Variants in KCNT2 observed in about 807,000 individuals in gnomAD.
The protein encoded by KCNT2 is potassium channel subfamily T member 2.
A neutral mutation model predicts 153.8 loss-of-function variants in KCNT2; 67 were observed. The observed-to-expected ratio is 0.44, with a 90% confidence interval of 0.36 to 0.53. The LOEUF (loss-of-function observed/expected upper bound fraction) is 0.53, where lower values mean the gene tolerates loss of function less well. Among genes scored for constraint, KCNT2 ranks in the 20% least tolerant of loss-of-function variants. The pLI is 0.00. For missense variants in KCNT2, 975 were observed against 1,354.8 expected, an observed-to-expected ratio of 0.72 and a Z score of 4.40; for synonymous variants, 500 against 458.8, an observed-to-expected ratio of 1.09 and a Z score of -1.15.
chr1:196,478,203 T>C (rs540350268), intron 5 of KCNT2, among the ~76,000 whole-genome samples: 22 of 152,318 alleles, frequency 1.4e-4, no homozygotes, highest in African/African-American at 5.3e-4. Flanking sequence ...TAATCTTTCA[T>C]TAAAACTGGT....
intron 3 of KCNT2, among the ~76,000 whole-genome samples, chr1:196,483,061 A>T (rs1028989660): frequency 6.6e-6 from 1 of 152,136 alleles, no homozygotes; most frequent in South Asian, 2.1e-4. Context: ...TTCCAATGGG[A>T]GTTACTTACA....
chr1:196,492,410 C>A, intron 1 of KCNT2, 69 bp from the exon 2 acceptor site: 1 of 1,097,478 alleles, frequency 9.1e-7, no homozygotes, highest in Non-Finnish European at 1.2e-6. Flanking sequence ...TGAAGATCAA[C>A]AAATATAAAT....
In KCNT2 at chr1:196,383,709, C is replaced by CA. The variant is rs572119309; in HGVS notation, c.1295-10462dup. On this transcript the variant is annotated intron_variant, in intron 13 of 27. Coordinates refer to ENST00000294725, the MANE Select transcript of KCNT2 (RefSeq NM_198503.5). ...CCTCAGGAAATTCGTGTCTTTAAAT[C>CA]AAAAAAATAAACTTTTGAATCACGC... Among the ~76,000 whole-genome samples the CA allele has an allele frequency of 2.0e-5, 3 of 151,926 alleles. No homozygotes were observed. In the South Asian group the frequency reaches 6.2e-4, roughly 32 times the overall value.
At chr1:196,423,683 A>G (rs1673403062) in intron 11 of KCNT2, among the ~76,000 whole-genome samples, 1 of 151,612 alleles carries the variant, frequency 6.6e-6, no homozygotes, top group Admixed American at 6.6e-5. Flanking sequence ...GTTTATTTTC[A>G]AAATGAGGAA....
intron 14 of KCNT2, among the ~76,000 whole-genome samples, chr1:196,354,193 A>T (rs2148234100): frequency 6.6e-6 from 1 of 151,952 alleles, no homozygotes; most frequent in Non-Finnish European, 1.5e-5. Flanking sequence ...GGTGTTATGA[A>T]GCACTGCCTT....
chr1:196,352,004 C>A (rs1162283048), intron 14 of KCNT2, among the ~76,000 whole-genome samples: 1 of 152,066 alleles, frequency 6.6e-6, no homozygotes, highest in Non-Finnish European at 1.5e-5. Flanking sequence ...TGCTGGATTA[C>A]ATTTATTGAT....
chr1:196,557,278 G>A (rs568361941), intron 1 of KCNT2, among the ~76,000 whole-genome samples: 7 of 150,974 alleles, frequency 4.6e-5, no homozygotes, highest in South Asian at 2.1e-4. Context: ...CCATGTACCC[G>A]CAAAAGTTAG....
intron 22 of KCNT2, among the ~76,000 whole-genome samples, chr1:196,304,261 T>A (rs16839768): frequency 6.6e-6 from 1 of 152,136 alleles, no homozygotes; most frequent in South Asian, 2.1e-4. Flanking sequence ...CTGTCATAAT[T>A]GGTAATTAAA....
At chr1:196,455,301 T>C (rs1414833001) in intron 8 of KCNT2, among the ~76,000 whole-genome samples, 1 of 152,042 alleles carries the variant, frequency 6.6e-6, no homozygotes, top group East Asian at 1.9e-4. Flanking sequence ...GATTAGAACA[T>C]GGACATCTTT....
intron 14 of KCNT2, among the ~76,000 whole-genome samples, chr1:196,354,981 T>A (rs184004075): frequency 2.5e-4 from 38 of 151,894 alleles, no homozygotes; most frequent in African/African-American, 7.9e-4. Flanking sequence ...GTAGGTCAAA[T>A]AAATAATTCT....
At chr1:196,524,815 A>G (rs949428205) in intron 1 of KCNT2, among the ~76,000 whole-genome samples, 15 of 152,186 alleles carry the variant, frequency 9.9e-5, no homozygotes, top group African/African-American at 3.6e-4. Context: ...TCTAGCAACA[A>G]ATAGGAAAGT....
At chr1:196,542,706 C>T (rs932349486) in intron 1 of KCNT2, among the ~76,000 whole-genome samples, 1 of 151,972 alleles carries the variant, frequency 6.6e-6, no homozygotes, top group Non-Finnish European at 1.5e-5. Flanking sequence ...AATAAAAATA[C>T]ATAGATTTAT....
chr1:196,477,212 G>A (rs1271642647), intron 5 of KCNT2, among the ~76,000 whole-genome samples: 3 of 152,012 alleles, frequency 2.0e-5, no homozygotes, highest in Non-Finnish European at 4.4e-5. Flanking sequence ...AAAAAAGGGT[G>A]AGTTTGTAAA....
chr1:196,418,812 A>C (rs980898110), intron 12 of KCNT2, among the ~76,000 whole-genome samples: 3 of 152,146 alleles, frequency 2.0e-5, no homozygotes, highest in African/African-American at 7.2e-5. Context: ...GGCTCCAACA[A>C]GTGAAAATAA....
chr1:196,398,746 A>G (rs968944852), intron 12 of KCNT2, 75 bp from the exon 13 acceptor site: 1 of 774,710 alleles, frequency 1.3e-6, no homozygotes, highest in African/African-American at 1.8e-5. Flanking sequence ...GTAAGCAATC[A>G]GTTTGCTTGG....
intron 8 of KCNT2, among the ~76,000 whole-genome samples, chr1:196,432,045 G>C (rs188750657): frequency 6.6e-6 from 1 of 152,130 alleles, no homozygotes; most frequent in African/African-American, 2.4e-5. Flanking sequence ...ACCAGGGCAC[G>C]TTTGGGGCCT....
At chr1:196,447,806 G>A (rs1389875280) in intron 8 of KCNT2, among the ~76,000 whole-genome samples, 1 of 150,314 alleles carries the variant, frequency 6.7e-6, no homozygotes, top group Non-Finnish European at 1.5e-5. Context: ...CGTTTTTTTG[G>A]ACTGCTGCAG....
At chr1:196,264,693 CAGGATCT>C (rs1362058738) in intron 25 of KCNT2, among the ~76,000 whole-genome samples, 1 of 152,056 alleles carries the variant, frequency 6.6e-6, no homozygotes, top group African/African-American at 2.4e-5. Context: ...AGGGCAGTGG[CAGGATCT>C]CTGCTCACTG....
At chr1:196,564,173 C>G (rs936405156) in intron 1 of KCNT2, among the ~76,000 whole-genome samples, 1 of 151,700 alleles carries the variant, frequency 6.6e-6, no homozygotes, top group Non-Finnish European at 1.5e-5. Context: ...AGTGGAGTTG[C>G]AGGATACAAA....
Sources: allele counts gnomAD v4.1 joint callset (sites outside exome capture counted in the v4.1 genomes callset), GRCh38; gene constraint gnomAD v4.1.1; transcripts MANE v1.5; gene names NCBI Gene and HGNC (gene_info 2026-07-23, HGNC 2026-07-21).